DLG1: variants seen among roughly 807,000 people sequenced by gnomAD.
DLG1 encodes discs large MAGUK scaffold protein 1.
DLG1 carries 42 observed loss-of-function variants against 123.4 expected under a neutral mutation model. The observed-to-expected ratio is 0.34, with a 90% confidence interval of 0.27 to 0.44. The LOEUF is 0.44. DLG1 is among the 20% of genes least tolerant of loss of function. The pLI, the probability that DLG1 is intolerant of heterozygous loss-of-function variation, is 1.00. For missense variants in DLG1, 942 were observed against 1,082.6 expected, an observed-to-expected ratio of 0.87 and a Z score of 1.82; for synonymous variants, 317 against 356.2, an observed-to-expected ratio of 0.89 and a Z score of 1.24.
At chr3:197,215,108 G>A (rs1733417939) in intron 4 of DLG1, among the ~76,000 whole-genome samples, 1 of 152,124 alleles carries the variant, frequency 6.6e-6, no homozygotes, top group Non-Finnish European at 1.5e-5. Context: ...AGCGAAACTT[G>A]TTATTTACAA....
intron 1 of DLG1, chr3:197,298,132 A>C (rs969910312): frequency 5.0e-6 from 1 of 200,338 alleles, no homozygotes; most frequent in Non-Finnish European, 9.4e-6. Context: ...GCGGCCCCCG[A>C]GCTGGCCTGC....
At chr3:197,203,998 G>A (rs1456051950) in intron 4 of DLG1, among the ~76,000 whole-genome samples, 1 of 152,218 alleles carries the variant, frequency 6.6e-6, no homozygotes, top group African/African-American at 2.4e-5. Flanking sequence ...AGGCCCCGGT[G>A]TAGGTGCTTG....
intron 11 of DLG1, among the ~76,000 whole-genome samples, chr3:197,123,566 T>C (rs1437747479): frequency 6.6e-6 from 1 of 152,190 alleles, no homozygotes; most frequent in East Asian, 1.9e-4. Flanking sequence ...ATGAGATAAC[T>C]TTATACATAT....
At chr3:197,261,330 T>C (rs545552257) in intron 4 of DLG1, among the ~76,000 whole-genome samples, 1 of 152,360 alleles carries the variant, frequency 6.6e-6, no homozygotes, top group Admixed American at 6.5e-5. Flanking sequence ...TAGTCCTAGC[T>C]ACTTGGGAGG....
chr3:197,121,550 G>C (rs1004127195), intron 11 of DLG1, among the ~76,000 whole-genome samples: 3 of 151,940 alleles, frequency 2.0e-5, no homozygotes, highest in African/African-American at 7.3e-5. Flanking sequence ...CAGAGAAACT[G>C]TATTCTCTGT....
chr3:197,203,709 C>A (rs1000982741), intron 4 of DLG1, among the ~76,000 whole-genome samples: 17 of 152,168 alleles, frequency 1.1e-4, no homozygotes, highest in African/African-American at 4.1e-4. Flanking sequence ...CAATCTTTAA[C>A]CACTAAAAAA....
At chr3:197,208,801 A>C (rs1249416590) in intron 4 of DLG1, among the ~76,000 whole-genome samples, 1 of 145,892 alleles carries the variant, frequency 6.9e-6, no homozygotes, top group Non-Finnish European at 1.5e-5. Context: ...TGACGAGAGG[A>C]GATTTACCCC....
intron 4 of DLG1, among the ~76,000 whole-genome samples, chr3:197,241,145 A>G (rs1748639712): frequency 6.6e-6 from 1 of 152,146 alleles, no homozygotes; most frequent in Non-Finnish European, 1.5e-5. Context: ...TCCTAAAAGC[A>G]GCAATAGAAA....
intron 3 of DLG1, among the ~76,000 whole-genome samples, chr3:197,292,776 T>G (rs539891521): frequency 4.6e-5 from 7 of 152,350 alleles, no homozygotes; most frequent in Non-Finnish European, 1.0e-4. Flanking sequence ...AATAAAACAC[T>G]GCATTAGAAT....
chr3:197,094,333 C>T (rs1759426878), intron 14 of DLG1, among the ~76,000 whole-genome samples: 1 of 152,184 alleles, frequency 6.6e-6, no homozygotes, highest in South Asian at 2.1e-4. Flanking sequence ...AACTGGAGCA[C>T]AGTCTCACTA....
intron 13 of DLG1, among the ~76,000 whole-genome samples, chr3:197,109,752 A>G (rs1259807124): frequency 6.6e-6 from 1 of 152,174 alleles, no homozygotes; most frequent in Non-Finnish European, 1.5e-5. Context: ...TTTTCAAAAG[A>G]TAGTTTTGCT....
intron 4 of DLG1, among the ~76,000 whole-genome samples, chr3:197,232,716 GCA>G (rs1554035721): frequency 2.0e-5 from 3 of 150,740 alleles, no homozygotes; most frequent in Non-Finnish European, 4.4e-5. Flanking sequence ...GATATGCAAC[GCA>G]CAGTTGATCC....
At chr3:197,269,118 T>C (rs1278833295) in intron 4 of DLG1, among the ~76,000 whole-genome samples, 1 of 152,244 alleles carries the variant, frequency 6.6e-6, no homozygotes, top group Admixed American at 6.5e-5. Flanking sequence ...CTCTATAAAA[T>C]AACTACTAAA....
intron 4 of DLG1, among the ~76,000 whole-genome samples, chr3:197,199,233 A>C (rs1724314737): frequency 6.6e-6 from 1 of 152,158 alleles, no homozygotes; most frequent in South Asian, 2.1e-4. Flanking sequence ...CTTTTATAAA[A>C]ATACAGTTAC....
intron 4 of DLG1, among the ~76,000 whole-genome samples, chr3:197,241,819 C>T (rs1295562435): frequency 2.0e-5 from 3 of 151,890 alleles, no homozygotes; most frequent in South Asian, 2.1e-4. Context: ...ATGGTAACCA[C>T]GATGCAAAAA....
At chr3:197,110,513 G>A (rs528307728) in intron 13 of DLG1, among the ~76,000 whole-genome samples, 33 of 152,218 alleles carry the variant, frequency 2.2e-4, no homozygotes, top group African/African-American at 7.2e-4. Flanking sequence ...CCCTAGGAAC[G>A]ATATCCATTG....
chr3:197,155,122 C>T (rs1019545557), intron 5 of DLG1, among the ~76,000 whole-genome samples: 13 of 152,152 alleles, frequency 8.5e-5, no homozygotes, highest in African/African-American at 2.7e-4. Context: ...CACTGAGACA[C>T]ATTATACTAG....
At chr3:197,237,088 A>G (rs981026418) in intron 4 of DLG1, among the ~76,000 whole-genome samples, 3 of 152,208 alleles carry the variant, frequency 2.0e-5, no homozygotes, top group African/African-American at 7.2e-5. Flanking sequence ...GGCTTGTACC[A>G]TAACAACTAG....
At chr3:197,128,484 A>C (rs766470341) in intron 11 of DLG1, among the ~76,000 whole-genome samples, 19 of 152,282 alleles carry the variant, frequency 1.2e-4, no homozygotes, top group Admixed American at 2.0e-4. Flanking sequence ...GTCATCCAAG[A>C]GGGCTGGAAT....
Sources: allele counts gnomAD v4.1 joint callset (sites outside exome capture counted in the v4.1 genomes callset), GRCh38; gene constraint gnomAD v4.1.1; transcripts MANE v1.5; gene names NCBI Gene and HGNC (gene_info 2026-07-23, HGNC 2026-07-21).